RGS6: variants seen among roughly 807,000 people sequenced by gnomAD.
RGS6 encodes regulator of G-protein signaling 6.
In RGS6, 30 loss-of-function variants were observed where a neutral mutation model predicts 78.5. The ratio of observed to expected loss-of-function variants is 0.38; its 90% confidence interval spans 0.29 to 0.52. RGS6 has a LOEUF of 0.52. RGS6 is among the 20% of genes least tolerant of loss of function. RGS6 has a pLI of 0.85. For synonymous variants in RGS6, 206 were observed against 206.0 expected (o/e 1.00, Z 0.00); for missense variants, 495 against 609.7 (o/e 0.81, Z 1.98).
chr14:72,143,666 G>A (rs1039463223), intron 2 of RGS6, among the ~76,000 whole-genome samples: 1 of 152,012 alleles, frequency 6.6e-6, no homozygotes, highest in African/African-American at 2.4e-5. Flanking sequence ...TGAGCTAAGG[G>A]GATATTCACT....
chr14:72,456,967 C>A (rs887022444), intron 4 of RGS6, among the ~76,000 whole-genome samples: 1 of 151,340 alleles, frequency 6.6e-6, no homozygotes, highest in East Asian at 1.9e-4. Flanking sequence ...GCCTGTGGTT[C>A]CAGCTACTTG....
At chr14:72,490,547 G>T (rs149228447) in intron 12 of RGS6, among the ~76,000 whole-genome samples, 1 of 152,164 alleles carries the variant, frequency 6.6e-6, no homozygotes, top group African/African-American at 2.4e-5. Flanking sequence ...ATTTGTAGAG[G>T]ATTGTCAAGA....
intron 2 of RGS6, among the ~76,000 whole-genome samples, chr14:72,074,889 G>A (rs941134512): frequency 6.6e-6 from 1 of 152,034 alleles, no homozygotes; most frequent in Admixed American, 6.6e-5. Context: ...GTTCTGTTTT[G>A]TCTTCAGCTG....
At position 72,107,131 on chromosome 14, in the gene RGS6, T is replaced by G. The variant is rs751084587; in HGVS notation, c.84+142256T>G. Among the ~76,000 whole-genome samples the G allele has an allele frequency of 4.7e-4, 72 of 152,220 alleles. 2 individuals are homozygous for G. Among genetic ancestry groups the G allele is most frequent in the South Asian group, 2.3e-3 (11 of 4,822 alleles). Reference sequence around the variant, plus strand: ...ACTATATGGCTACCTTGTGGTAGATTTCACACTTGAAAAGCCGGTTGAATG... The same window carrying G: ...ACTATATGGCTACCTTGTGGTAGATGTCACACTTGAAAAGCCGGTTGAATG... On this transcript the variant is annotated intron_variant, in intron 2 of 17. Coordinates refer to ENST00000553525, the MANE Select transcript of RGS6 (RefSeq NM_001204424.2).
chr14:72,178,459 C>A (rs749960848), intron 2 of RGS6, among the ~76,000 whole-genome samples: 2 of 152,206 alleles, frequency 1.3e-5, no homozygotes, highest in Non-Finnish European at 2.9e-5. Flanking sequence ...AGTTCCAGTT[C>A]GCTCTTTCAA....
intron 2 of RGS6, among the ~76,000 whole-genome samples, chr14:72,178,561 GC>G (rs1263260883): frequency 6.6e-6 from 1 of 152,228 alleles, no homozygotes; most frequent in Non-Finnish European, 1.5e-5. Flanking sequence ...TGAAGTCAGG[GC>G]CAGGTCAGTT....
chr14:72,473,171 T>C (rs749266398), intron 9 of RGS6, among the ~76,000 whole-genome samples: 10 of 152,198 alleles, frequency 6.6e-5, no homozygotes, highest in Non-Finnish European at 1.3e-4. Flanking sequence ...CGGCCGGGCA[T>C]GGCGGCTCAC....
At chr14:71,896,405 C>A in the RGS6 span, among the ~76,000 whole-genome samples, 1 of 152,144 alleles carries the variant, frequency 6.6e-6, no homozygotes, top group Non-Finnish European at 1.5e-5. Flanking sequence ...CATTTGTAAT[C>A]TGTCATGGCG....
chr14:71,884,427 G>A, the RGS6 span, among the ~76,000 whole-genome samples: 2 of 152,302 alleles, frequency 1.3e-5, no homozygotes, highest in East Asian at 3.9e-4. Flanking sequence ...TTTGGAGTTG[G>A]GGGGTATAGA....
chr14:72,294,443 C>T (rs2239254), intron 2 of RGS6, among the ~76,000 whole-genome samples: 8,827 of 152,240 alleles, frequency 0.058, 421 homozygotes, highest in East Asian at 0.3. Context: ...ATATTATTAC[C>T]AAAGCCATAG....
At chr14:72,451,519 A>G (rs2095493233) in intron 3 of RGS6, among the ~76,000 whole-genome samples, 1 of 152,142 alleles carries the variant, frequency 6.6e-6, no homozygotes, top group South Asian at 2.1e-4. Context: ...CGGATATGAT[A>G]GCAAGGAAGG....
Position 72,275,163 on chromosome 14 carries a change from A to G in RGS6, c.85-76932A>G, listed in dbSNP as rs554752113. ...CATTTGTCTTGTATGATAGTTATAT[A>G]TGGAAGGTAGCATTACTATTTCACT... On this transcript the variant is annotated intron_variant, in intron 2 of 17. Transcript: ENST00000553525. 3.9e-5 allele frequency among the ~76,000 whole-genome samples: 6 copies of G among 152,360 alleles called. No homozygotes were observed. The East Asian group carries it at 9.6e-4, about 24-fold the overall frequency.
At chr14:72,063,006 C>T (rs111958363) in intron 2 of RGS6, among the ~76,000 whole-genome samples, 1 of 151,970 alleles carries the variant, frequency 6.6e-6, no homozygotes, top group East Asian at 1.9e-4. Context: ...GTATTTTTAG[C>T]AGAGACAGGG....
the RGS6 span, among the ~76,000 whole-genome samples, chr14:72,616,533 G>A: frequency 2.0e-5 from 3 of 152,158 alleles, no homozygotes; most frequent in Non-Finnish European, 2.9e-5. Flanking sequence ...GAAAACATCC[G>A]GAGTTCTTCC....
intron 2 of RGS6, among the ~76,000 whole-genome samples, chr14:72,253,293 C>T (rs1008639044): frequency 6.6e-6 from 1 of 152,208 alleles, no homozygotes; most frequent in Non-Finnish European, 1.5e-5. Flanking sequence ...GGCCCACCTG[C>T]CACTGGCATG....
chr14:72,629,985 G>A, the RGS6 span, among the ~76,000 whole-genome samples: 1 of 152,146 alleles, frequency 6.6e-6, no homozygotes, highest in Non-Finnish European at 1.5e-5. Context: ...CCCAGCAGGT[G>A]TAACCAGTTG....
At chr14:72,110,209 C>A (rs1254637629) in intron 2 of RGS6, among the ~76,000 whole-genome samples, 1 of 152,190 alleles carries the variant, frequency 6.6e-6, no homozygotes, top group Non-Finnish European at 1.5e-5. Flanking sequence ...ACCCTCACCA[C>A]CTGGCAAAGC....
intron 2 of RGS6, among the ~76,000 whole-genome samples, chr14:72,024,715 A>G (rs2089482761): frequency 6.6e-6 from 1 of 152,200 alleles, no homozygotes; most frequent in Non-Finnish European, 1.5e-5. Context: ...GGCTCTCCCA[A>G]AGTAACACAG....
chr14:72,629,170 A>G, the RGS6 span, among the ~76,000 whole-genome samples: 3 of 152,230 alleles, frequency 2.0e-5, no homozygotes, highest in Non-Finnish European at 2.9e-5. Flanking sequence ...TGAGATACAT[A>G]TGAAGTAGTT....
Sources: gnomAD v4.1 joint callset for allele counts (sites outside exome capture counted in the v4.1 genomes callset) on GRCh38, gnomAD v4.1.1 for gene constraint, MANE v1.5 for transcripts, NCBI Gene and HGNC (gene_info 2026-07-23, HGNC 2026-07-21) for gene names.